The following ROBO2 variants were observed in gnomAD, a reference collection of about 807,000 sequenced individuals.
ROBO2 encodes roundabout guidance receptor 2.
A neutral mutation model predicts 160.8 loss-of-function variants in ROBO2; 53 were observed. That is an observed-to-expected ratio of 0.33 (90% CI 0.26 to 0.41). ROBO2 has a LOEUF of 0.41. Among genes scored for constraint, ROBO2 ranks in the 10% least tolerant of loss-of-function variants. The pLI is 1.00. For missense variants in ROBO2, 1,577 were observed against 1,722.4 expected, an observed-to-expected ratio of 0.92 and a Z score of 1.49; for synonymous variants, 664 against 611.7, an observed-to-expected ratio of 1.09 and a Z score of -1.26.
intron 2 of ROBO2, among the ~76,000 whole-genome samples, chr3:77,227,881 G>A (rs1313228554): frequency 2.6e-5 from 4 of 152,162 alleles, no homozygotes; most frequent in African/African-American, 4.8e-5. Context: ...ATTTTATGAC[G>A]CTATTACCTC....
chr3:76,940,210 T>A (rs1222642097), intron 2 of ROBO2, among the ~76,000 whole-genome samples: 1 of 151,984 alleles, frequency 6.6e-6, no homozygotes, highest in African/African-American at 2.4e-5. Flanking sequence ...TCTCGATCTC[T>A]TGACCTCGTG....
chr3:77,592,126 A>G (rs139267728), intron 17 of ROBO2, among the ~76,000 whole-genome samples: 51 of 152,306 alleles, frequency 3.3e-4, no homozygotes, highest in African/African-American at 1.1e-3. Context: ...AAACACAACT[A>G]AATAACCCAT....
intron 2 of ROBO2, among the ~76,000 whole-genome samples, chr3:77,345,063 T>C (rs968734176): frequency 1.3e-5 from 2 of 151,880 alleles, no homozygotes; most frequent in Non-Finnish European, 2.9e-5. Flanking sequence ...GGTTTTAGCT[T>C]GGGAAACACC....
At chr3:77,204,508 GTT>G (rs145510010) in intron 2 of ROBO2, among the ~76,000 whole-genome samples, 1 of 151,950 alleles carries the variant, frequency 6.6e-6, no homozygotes, top group Admixed American at 6.6e-5. Flanking sequence ...TAAGTGCCAT[GTT>G]TTTTTGTTAG....
At chr3:77,474,576 G>A (rs1296765849) in intron 2 of ROBO2, among the ~76,000 whole-genome samples, 1 of 151,834 alleles carries the variant, frequency 6.6e-6, no homozygotes, top group Admixed American at 6.6e-5. Flanking sequence ...TGTGGTATGT[G>A]CTCTTCTTTT....
intron 2 of ROBO2, among the ~76,000 whole-genome samples, chr3:76,065,010 A>G (rs955663841): frequency 6.6e-6 from 1 of 152,082 alleles, no homozygotes; most frequent in Admixed American, 6.6e-5. Flanking sequence ...TGCATTCCAG[A>G]TTGTTGTTAT....
intron 24 of ROBO2, among the ~76,000 whole-genome samples, chr3:77,638,180 G>A (rs1427226084): frequency 6.6e-6 from 1 of 152,178 alleles, no homozygotes; most frequent in East Asian, 1.9e-4. Context: ...ATATGGTATG[G>A]ATCCATATGT....
At chr3:77,111,756 A>T (rs1393617591) in intron 2 of ROBO2, among the ~76,000 whole-genome samples, 1 of 152,188 alleles carries the variant, frequency 6.6e-6, no homozygotes, top group Non-Finnish European at 1.5e-5. Context: ...TGACTTAATG[A>T]GTAGAGTGCA....
intron 2 of ROBO2, among the ~76,000 whole-genome samples, chr3:76,144,666 C>T (rs995177203): frequency 3.3e-5 from 5 of 152,034 alleles, no homozygotes; most frequent in African/African-American, 1.2e-4. Context: ...GTCATATTTG[C>T]AGTTAATTTA....
At chr3:76,490,308 T>C (rs987711259) in intron 2 of ROBO2, among the ~76,000 whole-genome samples, 1 of 152,210 alleles carries the variant, frequency 6.6e-6, no homozygotes, top group East Asian at 1.9e-4. Context: ...AATGATTCAA[T>C]TGCAGATCAA....
chr3:76,815,386 A>C lies in ROBO2; in HGVS notation c.110-282628A>C, dbSNP rs551626539. On this transcript the variant is annotated intron_variant, in intron 2 of 26. Transcript: ENST00000487694. Reference sequence around the variant, plus strand: ...ATTTTAAACCTAATTGTGCACAACTATGTAAATGTTTGAAAACCTGCTCCC... The same window carrying C: ...ATTTTAAACCTAATTGTGCACAACTCTGTAAATGTTTGAAAACCTGCTCCC... Among the ~76,000 whole-genome samples, 41 of 152,052 alleles carry C rather than the reference A, an allele frequency of 2.7e-4. 1 individual carries two copies. In the South Asian group the frequency reaches 7.3e-3, roughly 27 times the overall value.
At chr3:76,646,611 C>T (rs1265192373) in intron 2 of ROBO2, among the ~76,000 whole-genome samples, 1 of 152,038 alleles carries the variant, frequency 6.6e-6, no homozygotes, top group Non-Finnish European at 1.5e-5. Context: ...AGCACAATTC[C>T]TAACACAGAG....
At chr3:76,639,088 C>G (rs1018235275) in intron 2 of ROBO2, among the ~76,000 whole-genome samples, 7 of 152,160 alleles carry the variant, frequency 4.6e-5, no homozygotes, top group Middle Eastern at 3.4e-3. Flanking sequence ...GTTTATCTCA[C>G]ACTGGATTTG....
chr3:76,014,147 G>A (rs1023062011), intron 2 of ROBO2, among the ~76,000 whole-genome samples: 1 of 150,160 alleles, frequency 6.7e-6, no homozygotes, highest in African/African-American at 2.5e-5. Context: ...AATCCCAGAA[G>A]TAATATGTAT....
intron 2 of ROBO2, among the ~76,000 whole-genome samples, chr3:77,175,809 A>T (rs2080099875): frequency 6.6e-6 from 1 of 152,040 alleles, no homozygotes; most frequent in South Asian, 2.1e-4. Flanking sequence ...CTGAATATTT[A>T]TTAATAATTT....
chr3:76,000,665 A>AT (rs1199356162), intron 2 of ROBO2, among the ~76,000 whole-genome samples: 1 of 151,250 alleles, frequency 6.6e-6, no homozygotes, highest in Non-Finnish European at 1.5e-5. Flanking sequence ...ATTTTTTTGT[A>AT]TTTTTTAGTA....
At position 76,820,789 on chromosome 3, in the gene ROBO2, G is replaced by A. The variant is rs186325316; in HGVS notation, c.110-277225G>A. Among the ~76,000 whole-genome samples the A allele has an allele frequency of 2.0e-3, 298 of 151,978 alleles. 2 individuals are homozygous for A. The highest frequency in any genetic ancestry group is 3.4e-3 in the Middle Eastern group (1 of 294). The stretch of plus-strand genomic sequence containing the variant: ...GTATAGATGATTCTGTATCTGCTTC[G>A]TTATGAATCATTTTACCACCAATAG... On this transcript the variant is annotated intron_variant, in intron 2 of 26. Coordinates refer to the ROBO2 transcript ENST00000487694.
chr3:77,228,702 C>T (rs1262215374), intron 2 of ROBO2, among the ~76,000 whole-genome samples: 20 of 151,644 alleles, frequency 1.3e-4, no homozygotes, highest in South Asian at 4.2e-4. Context: ...CAAACCTGCA[C>T]GTTCTGCACA....
At chr3:76,017,217 G>A (rs921322854) in intron 2 of ROBO2, among the ~76,000 whole-genome samples, 1 of 152,096 alleles carries the variant, frequency 6.6e-6, no homozygotes, top group Non-Finnish European at 1.5e-5. Flanking sequence ...ATTAACAATC[G>A]TGATGTATGC....
Sources: gnomAD v4.1 joint callset for allele counts (sites outside exome capture counted in the v4.1 genomes callset) on GRCh38, gnomAD v4.1.1 for gene constraint, MANE v1.5 for transcripts, NCBI Gene and HGNC (gene_info 2026-07-23, HGNC 2026-07-21) for gene names.